The following MPZL3 variants were observed in gnomAD, a reference collection of about 807,000 sequenced individuals.
MPZL3 encodes myelin protein zero like 3.
In MPZL3, 23 loss-of-function variants were observed where a neutral mutation model predicts 24.8. That is an observed-to-expected ratio of 0.93 (90% CI 0.67 to 1.31). The LOEUF (loss-of-function observed/expected upper bound fraction) is 1.31, where lower values mean the gene tolerates loss of function less well. MPZL3 is among the 40% of genes most tolerant of loss of function. The pLI, the probability that MPZL3 is intolerant of heterozygous loss-of-function variation, is 0.00. For synonymous variants in MPZL3, 99 were observed against 106.5 expected (o/e 0.93, Z 0.44); for missense variants, 277 against 294.9 (o/e 0.94, Z 0.44).
chr11:118,238,060 C>A (rs1949448225), intron 2 of MPZL3, among the ~76,000 whole-genome samples: 1 of 152,020 alleles, frequency 6.6e-6, no homozygotes, highest in Non-Finnish European at 1.5e-5. Context: ...TTGCTTGAAC[C>A]CAGGAGGCGG....
At position 118,226,893 on chromosome 11, in the gene MPZL3, T is replaced by C. The variant is rs1226426114; in HGVS notation, c.*3001A>G. On this transcript the variant is annotated 3_prime_UTR_variant, in exon 6 of 6. Coordinates refer to ENST00000278949, the MANE Select transcript of MPZL3 (RefSeq NM_198275.3). The stretch of plus-strand genomic sequence containing the variant: ...CCTCTTCTGGCAGCAAAGTTTCAAG[T>C]TGTGCAATTAAATAATAGTCTTGGT... The C allele has an allele frequency of 1.3e-5, 2 of 152,210 alleles. No individual in the cohort carries two copies. The highest frequency in any genetic ancestry group is 4.8e-5 in the African/African-American group (2 of 41,456). The allele number at this position is 152,210 out of a possible 1,614,324, so 9.4% of individuals were successfully genotyped here.
chr11:118,229,142 A>T lies in MPZL3; in HGVS notation c.*752T>A, dbSNP rs892524925. On this transcript the variant is annotated 3_prime_UTR_variant, in exon 6 of 6. Coordinates refer to ENST00000278949, the MANE Select transcript of MPZL3 (RefSeq NM_198275.3). ...CTCTGCCTCAAAAAAAAAAAAAAAA[A>T]AAAAAAAGCAAGACAGAAAATAACA... The T allele has an allele frequency of 2.0e-5, 3 of 150,868 alleles. No individual in the cohort carries two copies. Among genetic ancestry groups the T allele is most frequent in the Admixed American group, 6.6e-5 (1 of 15,082 alleles). The allele number at this position is 150,868 out of a possible 1,614,324, so 9.3% of individuals were successfully genotyped here. A position where few individuals can be genotyped will look rare whatever the true frequency, so the allele number is the denominator to read the frequency against.
At position 118,233,501 on chromosome 11, in the gene MPZL3, C is replaced by A; in HGVS notation, c.640G>T (p.Ala214Ser). The A allele has an allele frequency of 6.2e-6, 10 of 1,613,868 alleles. No homozygotes were observed. Among genetic ancestry groups the A allele is most frequent in the Non-Finnish European group, 8.5e-6 (10 of 1,179,876 alleles). ...SDDTDQEEEE[A>S]CMARLCVRCA... is the part of the protein sequence containing the mutation. Reference sequence around the variant, plus strand: ...CGGACACAAAGCCTCGCCATACACGCCTCTTCCTCCTCCTGATCAGTGCTG... The same window carrying A: ...CGGACACAAAGCCTCGCCATACACGACTCTTCCTCCTCCTGATCAGTGCTG... Residue 214 changes from alanine (A) to serine (S), a missense_variant, in exon 5 of 6, where the codon GCG becomes TCG. By Grantham distance (99) the Ala-to-Ser change is moderately conservative. Coordinates refer to ENST00000278949, the MANE Select transcript of MPZL3 (RefSeq NM_198275.3).
chr11:118,243,988 C>A (rs1949528655), intron 1 of MPZL3, among the ~76,000 whole-genome samples: 2 of 152,148 alleles, frequency 1.3e-5, no homozygotes, highest in African/African-American at 4.8e-5. Context: ...TCCTTCTTCC[C>A]ATTCACTTAT....
chr11:118,238,694 T>C (rs1429862131), intron 2 of MPZL3, among the ~76,000 whole-genome samples: 1 of 152,210 alleles, frequency 6.6e-6, no homozygotes, highest in Non-Finnish European at 1.5e-5. Context: ...TCAACAAATA[T>C]TTGGTGCAGA....
In MPZL3 at chr11:118,233,538, C is replaced by G. The variant is rs1949381557; in HGVS notation, c.618-15G>C. The G allele has an allele frequency of 6.2e-7, 1 of 1,613,402 alleles. No individual in the cohort carries two copies. Among genetic ancestry groups the G allele is most frequent in the Non-Finnish European group, 8.5e-7 (1 of 1,179,660 alleles). ...CCTGATCAGTGCTGTAAAAAGAGGA[C>G]AAACCAAATCTGAATCACCACTATC... On this transcript the variant is annotated splice_polypyrimidine_tract_variant and intron_variant, in intron 4 of 5. Coordinates refer to ENST00000278949, the MANE Select transcript of MPZL3 (RefSeq NM_198275.3).
chr11:118,248,646 C>T (rs972590564), intron 1 of MPZL3, among the ~76,000 whole-genome samples: 6 of 144,040 alleles, frequency 4.2e-5, no homozygotes, highest in Non-Finnish European at 7.7e-5. Context: ...AAATTCAGGG[C>T]TGGTGAAAAA....
chr11:118,238,314 A>G (rs1436762149), intron 2 of MPZL3, among the ~76,000 whole-genome samples: 3 of 152,178 alleles, frequency 2.0e-5, no homozygotes, highest in Non-Finnish European at 4.4e-5. Context: ...GACAATTAAT[A>G]TAATCCCTAA....
intron 1 of MPZL3, among the ~76,000 whole-genome samples, chr11:118,248,822 T>G (rs1949586029): frequency 2.0e-5 from 3 of 152,172 alleles, no homozygotes; most frequent in African/African-American, 7.2e-5. Context: ...CAAAACTACT[T>G]TAAATGGAAT....
At position 118,228,451 on chromosome 11, in the gene MPZL3, C is replaced by T. The variant is rs188612081; in HGVS notation, c.*1443G>A. 1.8e-4 allele frequency: 28 copies of T among 152,196 alleles called. No individual in the cohort carries two copies. Among genetic ancestry groups the T allele is most frequent in the Non-Finnish European group, 3.5e-4 (24 of 67,994 alleles). The allele number at this position is 152,196 out of a possible 1,614,324, so 9.4% of individuals were successfully genotyped here. Reference sequence around the variant, plus strand: ...TACAGAAGACTATTTATATATGCACCATCCATCTTTACTGATATACTATAC... The same window carrying T: ...TACAGAAGACTATTTATATATGCACTATCCATCTTTACTGATATACTATAC... On this transcript the variant is annotated 3_prime_UTR_variant, in exon 6 of 6. Transcript: ENST00000278949.
chr11:118,250,505 C>A (rs913638102), intron 1 of MPZL3, among the ~76,000 whole-genome samples: 2 of 152,112 alleles, frequency 1.3e-5, no homozygotes, highest in African/African-American at 4.8e-5. Context: ...AAAAACCATT[C>A]AATTATGCCC....
intron 2 of MPZL3, among the ~76,000 whole-genome samples, chr11:118,239,408 A>C (rs183543217): frequency 5.3e-4 from 81 of 152,346 alleles, no homozygotes; most frequent in African/African-American, 1.9e-3. Flanking sequence ...TTTCCAGTGA[A>C]GGAAATGGGA....
chr11:118,252,131 T>C, intron 1 of MPZL3, 91 bp downstream of exon 1: 1 of 1,348,800 alleles, frequency 7.4e-7, no homozygotes, highest in East Asian at 2.3e-5. Flanking sequence ...TGCGGGGGCT[T>C]TCTGGAGACC....
chr11:118,242,922 A>G (rs991537280), intron 1 of MPZL3, among the ~76,000 whole-genome samples: 15 of 152,188 alleles, frequency 9.9e-5, no homozygotes, highest in African/African-American at 3.4e-4. Context: ...ACTGAGAGAA[A>G]CAGGTGGACA....
intron 3 of MPZL3, 30 bp downstream of exon 3, chr11:118,237,010 ACAGAGCACTG>A: frequency 6.4e-7 from 1 of 1,561,760 alleles, no homozygotes. Flanking sequence ...CACAGCAGTC[ACAGAGCACTG>A]CAGAAGAAGG....
In MPZL3 at chr11:118,230,869, A is replaced by G. The variant is rs180925226; in HGVS notation, c.682-949T>C. Among the ~76,000 whole-genome samples the G allele has an allele frequency of 2.0e-5, 3 of 152,198 alleles. No homozygotes were observed. The East Asian group carries it at 5.8e-4, about 29-fold the overall frequency. On this transcript the variant is annotated intron_variant, in intron 5 of 5. Coordinates refer to ENST00000278949, the MANE Select transcript of MPZL3 (RefSeq NM_198275.3). ...CATCTCCACTCCACTTATGCACTAG[A>G]TCCTGGCATTACACCAGCAATCCTC...
chr11:118,249,311 T>C (rs1949592768), intron 1 of MPZL3, among the ~76,000 whole-genome samples: 2 of 152,308 alleles, frequency 1.3e-5, no homozygotes, highest in South Asian at 2.1e-4. Flanking sequence ...TTGAGCTGTA[T>C]AGGCTTATGA....
Position 118,240,342 on chromosome 11 carries a change from C to G in MPZL3, c.109G>C (p.Asp37His), listed in dbSNP as rs761979290. 6.2e-7 allele frequency: 1 copy of G among 1,607,468 alleles called. No homozygotes were observed. Among genetic ancestry groups the G allele is most frequent in the South Asian group, 1.1e-5 (1 of 89,478 alleles). Residue 37 changes from aspartate to histidine, a missense_variant, in exon 2 of 6, where the codon GAT becomes CAT. Coordinates refer to ENST00000278949, the MANE Select transcript of MPZL3 (RefSeq NM_198275.3). ...CCAACATAACCTCGGACATGGGCATCTGCACGAATCTCCAAGGAAAAGACG... is the reference window on the plus strand; with the variant it reads ...CCAACATAACCTCGGACATGGGCATGTGCACGAATCTCCAAGGAAAAGACG... ...YIVFSLEIRA[D>H]AHVRGYVGEK... is the part of the protein sequence containing the mutation.
At chr11:118,252,092 G>GCTCC (rs1949625738) in intron 1 of MPZL3, 130 bp downstream of exon 1, 5 of 860,658 alleles carry the variant, frequency 5.8e-6, no homozygotes, top group Middle Eastern at 7.2e-4. Flanking sequence ...CCAACGTCCC[G>GCTCC]CTCCCTCCCT....
Sources: gnomAD v4.1 joint callset for allele counts (sites outside exome capture counted in the v4.1 genomes callset) on GRCh38, gnomAD v4.1.1 for gene constraint, MANE v1.5 for transcripts, NCBI Gene and HGNC (gene_info 2026-07-23, HGNC 2026-07-21) for gene names.